Variants in COPS8 observed in about 807,000 individuals in gnomAD.
COPS8 encodes COP9 signalosome complex subunit 8.
In COPS8, 11 loss-of-function variants were observed where a neutral mutation model predicts 31.5. The ratio of observed to expected loss-of-function variants is 0.35; its 90% CI spans 0.22 to 0.58. The LOEUF (loss-of-function observed/expected upper bound fraction) is 0.58. COPS8 is among the 20% of genes least tolerant of loss of function. The pLI is 0.83. For missense variants in COPS8, 215 were observed against 255.1 expected (o/e 0.84, Z 1.07); for synonymous variants, 81 against 89.3 (o/e 0.91, Z 0.52).
intron 7 of COPS8, 24 bp from the exon 8 acceptor site, chr2:237,097,637 AGT>A (rs1696829062): frequency 6.4e-7 from 1 of 1,562,430 alleles, no homozygotes; most frequent in African/African-American, 1.4e-5. Flanking sequence ...TGTAACATGA[AGT>A]GTGTTTGTTT....
chr2:237,087,012 C>A (rs771892759), intron 1 of COPS8, 115 bp from the exon 2 acceptor site: 1 of 675,700 alleles, frequency 1.5e-6, no homozygotes, highest in African/African-American at 1.8e-5. Context: ...ACTAAAAAGG[C>A]TTACTTTTAA....
At position 237,097,781 on chromosome 2, in the gene COPS8, G is replaced by T; in HGVS notation, c.*39G>T. On this transcript the variant is annotated 3_prime_UTR_variant, in exon 8 of 8. Transcript: ENST00000354371. The stretch of plus-strand genomic sequence containing the variant: ...GTTCAAGATTCATCTTCAGAATCCT[G>T]TATACTGACAAACGTAGAAATGTAA... 1 of 1,434,338 alleles carries T rather than the reference G, an allele frequency of 7.0e-7. No homozygotes were observed. Among genetic ancestry groups the T allele is most frequent in the Non-Finnish European group, 9.8e-7 (1 of 1,021,114 alleles). The allele number at this position is 1,434,338 out of a possible 1,614,324, so 88.9% of individuals were successfully genotyped here. A position where few individuals can be genotyped will look rare whatever the true frequency, so the allele number is the denominator to read the frequency against.
In COPS8 at chr2:237,097,788, G is replaced by T; in HGVS notation, c.*46G>T. The stretch of plus-strand genomic sequence containing the variant: ...ATTCATCTTCAGAATCCTGTATACT[G>T]ACAAACGTAGAAATGTAAAGTTTGT... On this transcript the variant is annotated 3_prime_UTR_variant, in exon 8 of 8. Coordinates refer to ENST00000354371, the MANE Select transcript of COPS8 (RefSeq NM_006710.5). 1.5e-6 allele frequency: 2 copies of T among 1,372,378 alleles called. No individual in the cohort carries two copies. The highest frequency in any genetic ancestry group is 2.4e-5 in the South Asian group (2 of 84,334). The allele number at this position is 1,372,378 out of a possible 1,614,324, so 85.0% of individuals were successfully genotyped here. A position where few individuals can be genotyped will look rare whatever the true frequency, so the allele number is the denominator to read the frequency against.
At chr2:237,091,249 C>T (rs969179159) in intron 4 of COPS8, among the ~76,000 whole-genome samples, 4 of 152,176 alleles carry the variant, frequency 2.6e-5, no homozygotes, top group Admixed American at 6.5e-5. Flanking sequence ...GGCTATATAG[C>T]GTACCATGCG....
Position 237,094,104 on chromosome 2 carries a change from C to T in COPS8, c.346C>T (p.Arg116Cys), listed in dbSNP as rs1696752317. Residue 116 changes from arginine (R) to cysteine (C), a missense_variant, in exon 5 of 8, where the codon CGC (arginine) becomes TGC (cysteine). Transcript: ENST00000354371. ...TCCCACAATAGATGCAACAAGGAGACGCGCCTTTGCCCTGGTCTCTCAAGC... is the reference window on the plus strand; with the variant it reads ...TCCCACAATAGATGCAACAAGGAGATGCGCCTTTGCCCTGGTCTCTCAAGC... Reference protein sequence around the residue: ...MEALRDATRRRAFALVSQAYT... With the variant: ...MEALRDATRRCAFALVSQAYT... 6 of 1,613,240 alleles carry T rather than the reference C, an allele frequency of 3.7e-6. No homozygotes were observed. Among genetic ancestry groups the T allele is most frequent in the Non-Finnish European group, 4.2e-6 (5 of 1,179,588 alleles).
intron 7 of COPS8, among the ~76,000 whole-genome samples, chr2:237,097,085 T>G (rs1696816435): frequency 6.6e-6 from 1 of 152,240 alleles, no homozygotes; most frequent in Admixed American, 6.5e-5. Context: ...CTGGGCCAGC[T>G]GCAGAGCCTT....
At position 237,090,912 on chromosome 2, in the gene COPS8, T is replaced by G. The variant is rs571240335; in HGVS notation, c.331+918T>G. On this transcript the variant is annotated intron_variant, in intron 4 of 7. Transcript: ENST00000354371. ...GGAAGGGAGGAGTGTGGAAGAAGAT[T>G]GCACAGGTACAGCAGGGGCAGTTTC... Among the ~76,000 whole-genome samples the G allele has an allele frequency of 2.6e-5, 4 of 152,260 alleles. No individual in the cohort carries two copies. The East Asian group carries it at 7.7e-4, about 29-fold the overall frequency.
chr2:237,097,976 C>T lies in COPS8; in HGVS notation c.*234C>T. On this transcript the variant is annotated 3_prime_UTR_variant, in exon 8 of 8. Transcript: ENST00000354371. ...GTAGTATTTAATAATCTGGATGGAG[C>T]CTGTCAGTATTACAGTTAGTTTTCT... The T allele has an allele frequency of 2.6e-6, 1 of 382,490 alleles. No individual in the cohort carries two copies. Among genetic ancestry groups the T allele is most frequent in the South Asian group, 3.4e-5 (1 of 29,364 alleles). 23.7% of individuals were successfully genotyped at this position (382,490 alleles called of 1,614,324 possible).
intron 3 of COPS8, 75 bp from the exon 4 acceptor site, chr2:237,089,787 G>T: frequency 7.3e-7 from 1 of 1,375,948 alleles, no homozygotes; most frequent in Non-Finnish European, 1.0e-6. Context: ...ATCATTTCTG[G>T]TATTTTGTTT....
intron 3 of COPS8, 54 bp downstream of exon 3, chr2:237,088,707 A>G (rs1696659675): frequency 8.7e-7 from 1 of 1,150,698 alleles, no homozygotes; most frequent in Admixed American, 2.2e-5. Context: ...ATTCCCTTAA[A>G]TGGCAACCTT....
chr2:237,087,974 C>T (rs1182879956), intron 2 of COPS8, among the ~76,000 whole-genome samples: 3 of 150,256 alleles, frequency 2.0e-5, no homozygotes, highest in Admixed American at 1.3e-4. Context: ...AAAAAAGTCT[C>T]CTATAGTTCT....
chr2:237,087,312 A>G, intron 2 of COPS8, 115 bp downstream of exon 2: 1 of 652,134 alleles, frequency 1.5e-6, no homozygotes, highest in Middle Eastern at 2.6e-4. Context: ...CTTTTTTATT[A>G]CAGTAATTGT....
intron 6 of COPS8, 44 bp from the exon 7 acceptor site, chr2:237,096,778 A>G (rs1305558007): frequency 2.7e-6 from 4 of 1,490,180 alleles, no homozygotes; most frequent in Admixed American, 1.7e-5. Context: ...GATCTTTACA[A>G]TGACTTCTGT....
chr2:237,087,639 A>G (rs894960266), intron 2 of COPS8: 18 of 237,950 alleles, frequency 7.6e-5, no homozygotes, highest in Middle Eastern at 5.8e-4. Context: ...AGAAAGCATA[A>G]CTACTCTAGG....
intron 4 of COPS8, chr2:237,093,833 T>G (rs2106346282): frequency 9.0e-7 from 1 of 1,116,936 alleles, no homozygotes; most frequent in East Asian, 5.3e-5. Flanking sequence ...TTTAGTAACC[T>G]TTTTCCATCT....
rs1696752215 is a variant in COPS8, at chr2:237,094,095, A to G, written c.337A>G (p.Thr113Ala). The G allele has an allele frequency of 1.2e-6, 2 of 1,613,128 alleles. No individual in the cohort carries two copies. The highest frequency in any genetic ancestry group is 1.7e-6 in the Non-Finnish European group (2 of 1,179,654). ...ACCCACCACTCCCACAATAGATGCA[A>G]CAAGGAGACGCGCCTTTGCCCTGGT... ...QPIMEALRDA[T>A]RRRAFALVSQ... is the part of the protein sequence containing the mutation. The change falls in exon 5 of 8, where the codon ACA becomes GCA. Residue 113 changes from threonine (T) to alanine (A), a missense_variant. Thr to Ala is a moderately conservative substitution (Grantham distance 58). Coordinates refer to ENST00000354371, the MANE Select transcript of COPS8 (RefSeq NM_006710.5).
At chr2:237,091,547 A>G (rs1262994396) in intron 4 of COPS8, among the ~76,000 whole-genome samples, 2 of 152,202 alleles carry the variant, frequency 1.3e-5, no homozygotes, top group Non-Finnish European at 2.9e-5. Flanking sequence ...GATTGGTCTT[A>G]CTGATGAATT....
Position 237,097,752 on chromosome 2 carries a change from C to CT in COPS8, c.*11dup, listed in dbSNP as rs140002554. On this transcript the variant is annotated 3_prime_UTR_variant, in exon 8 of 8. Coordinates refer to ENST00000354371, the MANE Select transcript of COPS8 (RefSeq NM_006710.5). The stretch of plus-strand genomic sequence containing the variant: ...TTTCCTTGAAAACTGATTTATCACT[C>CT]TGAGTTCAAGATTCATCTTCAGAAT... The CT allele has an allele frequency of 1.6e-3, 2,540 of 1,595,330 alleles. 37 individuals are homozygous for CT. In the African/African-American group the frequency reaches 0.03, roughly 19 times the overall value.
chr2:237,087,883 A>C (rs1489444962), intron 2 of COPS8, among the ~76,000 whole-genome samples: 1 of 151,940 alleles, frequency 6.6e-6, no homozygotes, highest in Non-Finnish European at 1.5e-5. Context: ...CAGTGAGCTA[A>C]GATTGCGCGA....
Sources: allele counts gnomAD v4.1 joint callset (sites outside exome capture counted in the v4.1 genomes callset), GRCh38; gene constraint gnomAD v4.1.1; transcripts MANE v1.5; gene names NCBI Gene and HGNC (gene_info 2026-07-23, HGNC 2026-07-21).